The following CHRD variants were observed in gnomAD, a reference collection of about 807,000 sequenced individuals.
The protein encoded by CHRD is chordin.
A neutral mutation model predicts 113.7 loss-of-function variants in CHRD; 69 were observed. The ratio of observed to expected loss-of-function variants is 0.61; its 90% CI spans 0.50 to 0.74. CHRD has a LOEUF of 0.74. Among genes scored for constraint, CHRD ranks in the 30% least tolerant of loss-of-function variants. The probability of loss-of-function intolerance (pLI) is 0.00; values close to 1 mark genes in which losing one functional copy is unlikely to be tolerated. For missense variants in CHRD, 1,194 were observed against 1,295.8 expected (o/e 0.92, Z 1.21); for synonymous variants, 561 against 540.8 (o/e 1.04, Z -0.52).
chr3:184,383,125 G>A lies in CHRD; in HGVS notation c.1175G>A (p.Arg392His), dbSNP rs201032668. The change falls in exon 10 of 23, where the codon CGC (arginine) becomes CAC (histidine). Residue 392 changes from arginine to histidine, a missense_variant. Coordinates refer to ENST00000204604, the Ensembl canonical transcript of CHRD. ...GAGTGGGCAGGCAGGCCAGGGCTGCGCATCAGTGGACACATTGCTGCCAGG... is the reference window on the plus strand; with the variant it reads ...GAGTGGGCAGGCAGGCCAGGGCTGCACATCAGTGGACACATTGCTGCCAGG... 2.6e-5 allele frequency: 42 copies of A among 1,609,174 alleles called. No homozygotes were observed. The highest frequency in any genetic ancestry group is 3.6e-4 in the Middle Eastern group (2 of 5,546).
At position 184,383,135 on chromosome 3, in the gene CHRD, A is replaced by G. The variant is rs576953915; in HGVS notation, c.1185A>G (p.Gly395=). 10 of 1,606,624 alleles carry G rather than the reference A, an allele frequency of 6.2e-6. No homozygotes were observed. The South Asian group carries it at 9.9e-5, about 16-fold the overall frequency. ...GCAGGCCAGGGCTGCGCATCAGTGG[A>G]CACATTGCTGCCAGGAAGAGCTGCG... The change falls in exon 10 of 23, where the codon GGA becomes GGG. Residue 395 remains glycine, a synonymous_variant. Transcript: ENST00000204604.
chr3:184,386,778 A>G, intron 16 of CHRD, 23 bp downstream of exon 16: 1 of 1,613,504 alleles, frequency 6.2e-7, no homozygotes, highest in Non-Finnish European at 8.5e-7. Context: ...GGAAGGGCAC[A>G]CTGGGTCCTG....
chr3:184,382,395 G>A (rs1715577611), exon 7 of CHRD: 10 of 1,614,050 alleles, frequency 6.2e-6, no homozygotes, highest in Non-Finnish European at 8.5e-6. Context: ...CCAGGTCTGT[G>A]GGGTGTGGCG....
Position 184,384,621 on chromosome 3 carries a change from G to T in CHRD, c.1525G>T (p.Asp509Tyr). 1 of 1,609,640 alleles carries T rather than the reference G, an allele frequency of 6.2e-7. No homozygotes were observed. The highest frequency in any genetic ancestry group is 8.5e-7 in the Non-Finnish European group (1 of 1,178,012). The change falls in exon 13 of 23, where the codon GAC becomes TAC. Residue 509 changes from aspartate (D) to tyrosine (Y), a missense_variant. Asp to Tyr is a radical substitution (Grantham distance 160). Coordinates refer to ENST00000204604, the Ensembl canonical transcript of CHRD. This position sits in a 1 kb window ranked among gnomAD's most constrained non-coding sequence, Gnocchi z 4.4. ...GCTCTTCCTGAACGTGGGCACCAAG[G>T]ACTTCCCAGACGGAGAGCTTCGGGG...
At chr3:184,389,443 T>G (rs1454542038) in exon 23 of CHRD, 2 of 1,611,010 alleles carry the variant, frequency 1.2e-6, no homozygotes, top group Admixed American at 3.3e-5. Flanking sequence ...GAGGGCCAAG[T>G]GACCAAGAGG....
Position 184,380,547 on chromosome 3 carries a change from G to T in CHRD, c.148+81G>T, listed in dbSNP as rs747385357. 5.9e-5 allele frequency: 62 copies of T among 1,046,826 alleles called. No homozygotes were observed. The Middle Eastern group carries it at 1.2e-3, about 20-fold the overall frequency. 64.8% of individuals were successfully genotyped at this position (1,046,826 alleles called of 1,614,324 possible). A position where few individuals can be genotyped will look rare whatever the true frequency, so the allele number is the denominator to read the frequency against. On this transcript the variant is annotated intron_variant, in intron 1 of 22. Transcript: ENST00000204604. This position sits in a 1 kb window ranked among gnomAD's most constrained non-coding sequence, Gnocchi z 6.3. ...CGCCAGCCCGGAGGGGGCGCGGGGC[G>T]CAGGTGGCTCGGCGCGGCGGGCGGC...
rs1242718885 is a variant in CHRD at position 184,388,299 on chromosome 3, C to T, written c.2554+266C>T. On this transcript the variant is annotated intron_variant, in intron 20 of 22. Coordinates refer to ENST00000204604, the Ensembl canonical transcript of CHRD. The surrounding 1 kb of genome is among the most constrained non-coding windows in gnomAD (Gnocchi z 6.1). ...TCCATCCATCCGTCCATTCATCTAT[C>T]TATCCACCCATACAACCATCCACCC... is the stretch of plus-strand genomic sequence containing the variant. 6.6e-6 allele frequency among the ~76,000 whole-genome samples: 1 copy of T among 151,658 alleles called. No homozygotes were observed. Among genetic ancestry groups the T allele is most frequent in the East Asian group, 1.9e-4 (1 of 5,172 alleles).
rs1412631850 is a variant in CHRD at position 184,380,267 on chromosome 3, C to T, written c.-52C>T. On this transcript the variant is annotated 5_prime_UTR_variant, in exon 1 of 23. Coordinates refer to ENST00000204604, the Ensembl canonical transcript of CHRD. The surrounding 1 kb of genome is among the most constrained non-coding windows in gnomAD (Gnocchi z 6.3). Reference sequence around the variant, plus strand: ...CCGCACTCCCGCCTCCCTCCCTCCGCCCGCTCCCGCGCCCTCCTCCCTCCC... The same window carrying T: ...CCGCACTCCCGCCTCCCTCCCTCCGTCCGCTCCCGCGCCCTCCTCCCTCCC... 9.7e-7 allele frequency: 1 copy of T among 1,030,406 alleles called. No homozygotes were observed. The highest frequency in any genetic ancestry group is 1.2e-6 in the Non-Finnish European group (1 of 818,912). The allele number at this position is 1,030,406 out of a possible 1,614,324, so 63.8% of individuals were successfully genotyped here.
At chr3:184,389,291 G>T (rs1716849395) in intron 22 of CHRD, 76 bp from the exon 23 acceptor site, 2 of 1,380,274 alleles carry the variant, frequency 1.4e-6, no homozygotes. Flanking sequence ...GGGATGCTTT[G>T]CCCTGCCCTC....
At position 184,386,983 on chromosome 3, in the gene CHRD, G is replaced by A. The variant is rs765865432; in HGVS notation, c.2290+45G>A. ...GTGGAGGGAGGAGTTGGCCCAGTGC[G>A]GACAGGTCCTTTGGGGAGGGAATGA... is the stretch of plus-strand genomic sequence containing the variant. On this transcript the variant is annotated intron_variant, in intron 17 of 22. Transcript: ENST00000204604. The A allele has an allele frequency of 1.7e-5, 28 of 1,613,916 alleles. 1 individual carries two copies. Among genetic ancestry groups the A allele is most frequent in the Middle Eastern group, 1.6e-4 (1 of 6,082 alleles).
At chr3:184,386,289 T>C in intron 15 of CHRD, 130 bp downstream of exon 15, 1 of 1,209,968 alleles carries the variant, frequency 8.3e-7, no homozygotes, top group Non-Finnish European at 1.2e-6. Context: ...CCCCCCCGGC[T>C]GGTGGGGAGG....
At chr3:184,386,359 TG>T in intron 15 of CHRD, 132 bp from the exon 16 acceptor site, 1 of 1,339,064 alleles carries the variant, frequency 7.5e-7, no homozygotes, top group Non-Finnish European at 1.0e-6. Flanking sequence ...GAGATGATTG[TG>T]GAGCGAATGG....
At chr3:184,383,966 G>A (rs1379440772) in intron 12 of CHRD, among the ~76,000 whole-genome samples, 7 of 151,984 alleles carry the variant, frequency 4.6e-5, no homozygotes, top group Admixed American at 1.3e-4. Flanking sequence ...TAGTAGAGAC[G>A]GGGTTTCACC....
chr3:184,387,501 G>A lies in CHRD; in HGVS notation c.2451+24G>A. Reference sequence around the variant, plus strand: ...AGGTATGGCCACCCAATCTTCTCTGGTGCCATAACCCAGCGGGGTCTGCAG... The same window carrying A: ...AGGTATGGCCACCCAATCTTCTCTGATGCCATAACCCAGCGGGGTCTGCAG... On this transcript the variant is annotated intron_variant, in intron 19 of 22. Coordinates refer to ENST00000204604, the Ensembl canonical transcript of CHRD. This position sits in a 1 kb window ranked among gnomAD's most constrained non-coding sequence, Gnocchi z 6.1. 6.3e-7 allele frequency: 1 copy of A among 1,583,038 alleles called. No homozygotes were observed. The highest frequency in any genetic ancestry group is 1.2e-5 in the South Asian group (1 of 85,152).
Position 184,381,537 on chromosome 3 carries a change from G to A in CHRD, c.424G>A (p.Glu142Lys). The A allele has an allele frequency of 6.2e-7, 1 of 1,607,298 alleles. No individual in the cohort carries two copies. Among genetic ancestry groups the A allele is most frequent in the Non-Finnish European group, 8.5e-7 (1 of 1,177,524 alleles). Residue 142 changes from glutamate to lysine, a missense_variant, in exon 4 of 23, where the codon GAG becomes AAG. Transcript: ENST00000204604. The surrounding 1 kb of genome is among the most constrained non-coding windows in gnomAD (Gnocchi z 4.7). ...GCGGCAGCCGAGCGGCCTGTCCTTC[G>A]AGTATCCGCGGGACCCGGAGCATCG...
chr3:184,386,950 G>T lies in CHRD; in HGVS notation c.2290+12G>T. 2 of 1,614,156 alleles carry T rather than the reference G, an allele frequency of 1.2e-6. No individual in the cohort carries two copies. The highest frequency in any genetic ancestry group is 1.7e-6 in the Non-Finnish European group (2 of 1,179,994). ...CCCTGTTTGCCCTGGTGAGTTCCCC[G>T]CAGGGGAGTGGAGGGAGGAGTTGGC... On this transcript the variant is annotated intron_variant, in intron 17 of 22. Transcript: ENST00000204604.
Position 184,381,440 on chromosome 3 carries a change from G to A in CHRD, c.383-56G>A, listed in dbSNP as rs1375083490. The A allele has an allele frequency of 2.5e-6, 4 of 1,596,620 alleles. No homozygotes were observed. Among genetic ancestry groups the A allele is most frequent in the Non-Finnish European group, 3.4e-6 (4 of 1,171,854 alleles). On this transcript the variant is annotated intron_variant, in intron 3 of 22. Transcript: ENST00000204604. This position sits in a 1 kb window ranked among gnomAD's most constrained non-coding sequence, Gnocchi z 4.7. ...TCCCGGGCCACTTGGATGGGGCGTC[G>A]GACTGGCCTTTCCCATGGCCAGCTG...
chr3:184,381,284 A>G lies in CHRD; in HGVS notation c.302A>G (p.Asn101Ser). ...GGCCCTGGCAGGGTCAGCTGCAAGA[A>G]CATCAAACCAGAGTGCCCAACCCCG... The change falls in exon 3 of 23, where the codon AAC (asparagine) becomes AGC (serine). Residue 101 changes from asparagine (N) to serine (S), a missense_variant. Physicochemically the swap from Asn to Ser is conservative, Grantham distance 46. Coordinates refer to ENST00000204604, the Ensembl canonical transcript of CHRD. The surrounding 1 kb of genome is among the most constrained non-coding windows in gnomAD (Gnocchi z 4.7). The G allele has an allele frequency of 1.2e-6, 2 of 1,612,956 alleles. No homozygotes were observed. Among genetic ancestry groups the G allele is most frequent in the Non-Finnish European group, 1.7e-6 (2 of 1,179,848 alleles).
Position 184,387,612 on chromosome 3 carries a change from C to A in CHRD, c.2451+135C>A, listed in dbSNP as rs936531939. ...AAAACGATATGAGAAAAGGCCCTTGCGCTCTGAGAGTCGGCTTCCTGTGGG... is the reference window on the plus strand; with the variant it reads ...AAAACGATATGAGAAAAGGCCCTTGAGCTCTGAGAGTCGGCTTCCTGTGGG... On this transcript the variant is annotated intron_variant, in intron 19 of 22. Transcript: ENST00000204604. The surrounding 1 kb of genome is among the most constrained non-coding windows in gnomAD (Gnocchi z 6.1). 5 of 846,798 alleles carry A rather than the reference C, an allele frequency of 5.9e-6. No homozygotes were observed. The highest frequency in any genetic ancestry group is 3.0e-4 in the Middle Eastern group (1 of 3,374). 52.5% of individuals were successfully genotyped at this position (846,798 alleles called of 1,614,324 possible).
Sources: allele counts gnomAD v4.1 joint callset (sites outside exome capture counted in the v4.1 genomes callset), GRCh38; gene constraint gnomAD v4.1.1; non-coding constraint Gnocchi (gnomAD v3.1); transcripts MANE v1.5; gene names NCBI Gene and HGNC (gene_info 2026-07-23, HGNC 2026-07-21).